SHISA9: variants seen among roughly 807,000 people sequenced by gnomAD.
SHISA9 encodes shisa family member 9.
Under a neutral mutation model 38.0 loss-of-function variants are expected in SHISA9, and 13 were observed. The ratio of observed to expected loss-of-function variants is 0.34; its 90% CI spans 0.22 to 0.54. The LOEUF (loss-of-function observed/expected upper bound fraction) is 0.54, where lower values mean the gene tolerates loss of function less well. SHISA9 is among the 20% of genes least tolerant of loss of function. The probability of loss-of-function intolerance (pLI) is 0.91; values close to 1 mark genes in which losing one functional copy is unlikely to be tolerated. For missense variants in SHISA9, 538 were observed against 575.8 expected, an observed-to-expected ratio of 0.93 and a Z score of 0.67; for synonymous variants, 275 against 242.0, an observed-to-expected ratio of 1.14 and a Z score of -1.27.
At chr16:13,543,887 C>G in the SHISA9 span, among the ~76,000 whole-genome samples, 1 of 152,152 alleles carries the variant, frequency 6.6e-6, no homozygotes, top group African/African-American at 2.4e-5. Context: ...AAACATTATT[C>G]AAATATCTAC....
chr16:13,205,039 G>A (rs953639837), intron 3 of SHISA9: 1 of 152,182 alleles, frequency 6.6e-6, no homozygotes, highest in African/African-American at 2.4e-5. Context: ...CTGATTGGCT[G>A]TGGCAACCTC....
chr16:12,971,110 TAA>T (rs2072075834), intron 2 of SHISA9, among the ~76,000 whole-genome samples: 1 of 152,224 alleles, frequency 6.6e-6, no homozygotes, highest in Non-Finnish European at 1.5e-5. Context: ...TAGGCATTGC[TAA>T]GTCTCTCTTT....
the SHISA9 span, among the ~76,000 whole-genome samples, chr16:13,289,890 A>C: frequency 1.3e-5 from 2 of 152,222 alleles, no homozygotes; most frequent in African/African-American, 4.8e-5. Flanking sequence ...ACTTTCTAAT[A>C]ATATTTGAAT....
the SHISA9 span, among the ~76,000 whole-genome samples, chr16:13,269,497 C>T: frequency 2.6e-5 from 4 of 152,210 alleles, no homozygotes; most frequent in Admixed American, 6.5e-5. Context: ...ATCTTCCCCT[C>T]TATGGTCTCT....
downstream of SHISA9, among the ~76,000 whole-genome samples, chr16:13,241,802 T>C (rs901864571): frequency 6.6e-6 from 1 of 152,108 alleles, no homozygotes; most frequent in Non-Finnish European, 1.5e-5. Flanking sequence ...CCAGAGCAGA[T>C]CCCCTGGGCT....
At chr16:13,069,247 GTA>G (rs964259446) in intron 2 of SHISA9, among the ~76,000 whole-genome samples, 11 of 151,898 alleles carry the variant, frequency 7.2e-5, no homozygotes, top group African/African-American at 1.5e-4. Flanking sequence ...ATGTGTATGT[GTA>G]TATGTGTGTA....
chr16:13,217,358 T>C (rs900255221), intron 4 of SHISA9, among the ~76,000 whole-genome samples: 1 of 152,192 alleles, frequency 6.6e-6, no homozygotes, highest in African/African-American at 2.4e-5. Flanking sequence ...CAGACTGTCT[T>C]CACCAAGATG....
At chr16:13,090,322 T>C (rs2073760228) in intron 2 of SHISA9, among the ~76,000 whole-genome samples, 1 of 152,176 alleles carries the variant, frequency 6.6e-6, no homozygotes, top group Non-Finnish European at 1.5e-5. Flanking sequence ...TTAGGTCTCC[T>C]TTTTGCAGAG....
intron 2 of SHISA9, among the ~76,000 whole-genome samples, chr16:12,952,331 C>G (rs986503637): frequency 5.9e-5 from 9 of 152,216 alleles, no homozygotes; most frequent in Non-Finnish European, 8.8e-5. Flanking sequence ...CCCCGTGGCA[C>G]GGTCCCTCCT....
At chr16:13,070,623 G>A (rs767932457) in intron 2 of SHISA9, among the ~76,000 whole-genome samples, 6 of 152,206 alleles carry the variant, frequency 3.9e-5, no homozygotes, top group Admixed American at 6.5e-5. Context: ...GCAGGAGGCC[G>A]GGAAGTGGGG....
At chr16:13,383,173 T>C in the SHISA9 span, among the ~76,000 whole-genome samples, 1 of 152,026 alleles carries the variant, frequency 6.6e-6, no homozygotes, top group Non-Finnish European at 1.5e-5. Context: ...AAGAAGGTGG[T>C]GGGAGATGGC....
chr16:13,279,192 C>T, the SHISA9 span, among the ~76,000 whole-genome samples: 1 of 152,034 alleles, frequency 6.6e-6, no homozygotes, highest in Non-Finnish European at 1.5e-5. Context: ...CGTGTATTTG[C>T]GTGGTTCTGA....
rs1338302325 is a variant in SHISA9, at chr16:13,204,149, T to TCTAA, written c.847+603_847+604insACTA. On this transcript the variant is annotated intron_variant, in intron 3 of 4. Transcript: ENST00000558583. The stretch of plus-strand genomic sequence containing the variant: ...TAACTACCTATTATCTATCTATCTA[T>TCTAA]CTATCTATCTATCTATCTATTTATC... Among the ~76,000 whole-genome samples, 4 of 149,150 alleles carry TCTAA rather than the reference T, an allele frequency of 2.7e-5. No individual in the cohort carries two copies. The East Asian group carries it at 8.3e-4, about 31-fold the overall frequency.
the SHISA9 span, among the ~76,000 whole-genome samples, chr16:13,282,856 T>A: frequency 2.0e-5 from 3 of 152,168 alleles, no homozygotes; most frequent in Admixed American, 6.6e-5. Flanking sequence ...ATTTTCTATT[T>A]AACTGCTGAG....
intron 2 of SHISA9, among the ~76,000 whole-genome samples, chr16:13,135,873 G>C (rs1236755700): frequency 1.3e-5 from 2 of 152,088 alleles, no homozygotes; most frequent in African/African-American, 2.4e-5. Flanking sequence ...GTTGCTTAAG[G>C]GTTTTGTGCT....
chr16:13,135,708 A>T (rs1381673821), intron 2 of SHISA9, among the ~76,000 whole-genome samples: 1 of 152,204 alleles, frequency 6.6e-6, no homozygotes, highest in African/African-American at 2.4e-5. Context: ...TATAATAGTA[A>T]TAATAATCAT....
At chr16:13,017,577 C>G (rs963539488) in intron 2 of SHISA9, among the ~76,000 whole-genome samples, 1 of 149,576 alleles carries the variant, frequency 6.7e-6, no homozygotes, top group South Asian at 2.2e-4. Flanking sequence ...AACAATAATT[C>G]GTTGACTGGT....
In SHISA9 at chr16:13,061,025, A is replaced by G. The variant is rs114708685; in HGVS notation, c.692-142369A>G. 8.0e-3 allele frequency among the ~76,000 whole-genome samples: 1,220 copies of G among 152,166 alleles called. 13 individuals are homozygous for G. Among genetic ancestry groups the G allele is most frequent in the African/African-American group, 0.028 (1,151 of 41,494 alleles). On this transcript the variant is annotated intron_variant, in intron 2 of 4. Coordinates refer to ENST00000558583, the MANE Select transcript of SHISA9 (RefSeq NM_001145204.3). ...ATGGTGCATGGTATGGGGATCGGGG[A>G]CCTTGTGGTCCCAATGCTCCTGTCT...
intron 2 of SHISA9, among the ~76,000 whole-genome samples, chr16:13,105,818 G>A (rs1198887444): frequency 2.0e-5 from 3 of 152,168 alleles, no homozygotes; most frequent in Non-Finnish European, 4.4e-5. Context: ...CTGCCTGGCC[G>A]GGGTACAGAG....
Sources: allele counts gnomAD v4.1 joint callset (sites outside exome capture counted in the v4.1 genomes callset), GRCh38; gene constraint gnomAD v4.1.1; transcripts MANE v1.5; gene names NCBI Gene and HGNC (gene_info 2026-07-23, HGNC 2026-07-21).